The following ATP10A variants were observed in gnomAD, a reference collection of about 807,000 sequenced individuals.
ATP10A encodes phospholipid-transporting ATPase VA.
Under a neutral mutation model 147.8 loss-of-function variants are expected in ATP10A, and 111 were observed. The ratio of observed to expected loss-of-function variants is 0.75; its 90% CI spans 0.64 to 0.88. The LOEUF (loss-of-function observed/expected upper bound fraction) is 0.88. ATP10A is among the 40% of genes least tolerant of loss of function. The pLI, the probability that ATP10A is intolerant of heterozygous loss-of-function variation, is 0.00. For missense variants in ATP10A, 1,927 were observed against 1,959.0 expected (o/e 0.98, Z 0.31); for synonymous variants, 875 against 841.6 (o/e 1.04, Z -0.69).
chr15:25,842,305 C>G (rs897169705), intron 1 of ATP10A, among the ~76,000 whole-genome samples: 4 of 152,182 alleles, frequency 2.6e-5, no homozygotes, highest in African/African-American at 9.7e-5. Flanking sequence ...TGTGCCCACA[C>G]TGGAAGGATA....
intron 3 of ATP10A, among the ~76,000 whole-genome samples, chr15:25,734,901 C>T (rs1309281906): frequency 6.6e-6 from 1 of 151,852 alleles, no homozygotes; most frequent in Non-Finnish European, 1.5e-5. Context: ...GCTGGAGGTG[C>T]TGGCAAAACA....
At chr15:25,779,643 A>G (rs1889797758) in intron 2 of ATP10A, among the ~76,000 whole-genome samples, 1 of 152,172 alleles carries the variant, frequency 6.6e-6, no homozygotes, top group Admixed American at 6.5e-5. Context: ...CAAACCCTGG[A>G]GCACAGTCAT....
chr15:25,773,837 C>A (rs1214405134), intron 2 of ATP10A, among the ~76,000 whole-genome samples: 1 of 151,836 alleles, frequency 6.6e-6, no homozygotes, highest in Non-Finnish European at 1.5e-5. Context: ...CACACACACA[C>A]ACACACACAC....
intron 1 of ATP10A, among the ~76,000 whole-genome samples, chr15:25,815,737 A>G (rs1482890880): frequency 3.7e-5 from 5 of 134,918 alleles, no homozygotes; most frequent in Admixed American, 3.0e-4. Flanking sequence ...ACGAAAATAA[A>G]ATGTTGGAAA....
At chr15:25,750,030 G>A (rs980216998) in intron 2 of ATP10A, among the ~76,000 whole-genome samples, 1 of 152,086 alleles carries the variant, frequency 6.6e-6, no homozygotes, top group African/African-American at 2.4e-5. Flanking sequence ...AGATGGGGAA[G>A]GGTATGAAGA....
At chr15:25,738,890 T>C (rs911424586) in intron 2 of ATP10A, among the ~76,000 whole-genome samples, 4 of 152,192 alleles carry the variant, frequency 2.6e-5, no homozygotes, top group African/African-American at 7.2e-5. Context: ...TCTTTAAGTA[T>C]CGTGCCCAAG....
chr15:25,753,286 T>C (rs1475035412), intron 2 of ATP10A, among the ~76,000 whole-genome samples: 1 of 152,204 alleles, frequency 6.6e-6, no homozygotes, highest in East Asian at 1.9e-4. Flanking sequence ...CAGTTCACTC[T>C]CAGCTTCTGA....
intron 9 of ATP10A, among the ~76,000 whole-genome samples, chr15:25,716,301 G>T (rs1316838283): frequency 6.7e-6 from 1 of 149,096 alleles, no homozygotes; most frequent in East Asian, 2.0e-4. Context: ...TCTCCTGTGT[G>T]GATCTGGGAC....
intron 7 of ATP10A, 52 bp downstream of exon 7, chr15:25,721,605 G>A: frequency 6.4e-7 from 1 of 1,572,564 alleles, no homozygotes; most frequent in Admixed American, 1.7e-5. Flanking sequence ...ATTCTGGATA[G>A]GGCAGCTTTC....
At chr15:25,703,086 G>A (rs536375316) in intron 12 of ATP10A, among the ~76,000 whole-genome samples, 12 of 152,326 alleles carry the variant, frequency 7.9e-5, no homozygotes, top group South Asian at 4.1e-4. Context: ...GGTCGGGCGC[G>A]GTGGCTCACG....
intron 3 of ATP10A, among the ~76,000 whole-genome samples, 163 bp from the exon 4 acceptor site, chr15:25,727,429 C>T (rs1902649044): frequency 6.6e-6 from 1 of 152,078 alleles, no homozygotes. Context: ...GGGTGGCTCG[C>T]CCTGTGGGTC....
chr15:25,831,981 T>C (rs934445311), intron 1 of ATP10A, among the ~76,000 whole-genome samples: 8 of 152,052 alleles, frequency 5.3e-5, no homozygotes, highest in East Asian at 1.9e-4. Flanking sequence ...CTTGCAGATA[T>C]AGTTAGTTAA....
At chr15:25,801,482 G>A (rs1025474381) in intron 1 of ATP10A, among the ~76,000 whole-genome samples, 9 of 152,174 alleles carry the variant, frequency 5.9e-5, no homozygotes, top group Non-Finnish European at 1.0e-4. Flanking sequence ...TGCATGCAGC[G>A]CTTAGCATCC....
Position 25,713,669 on chromosome 15 carries a change from A to C in ATP10A, c.2344+5T>G, listed in dbSNP as rs746088232. 6.2e-7 allele frequency: 1 copy of C among 1,613,102 alleles called. No individual in the cohort carries two copies. Among genetic ancestry groups the C allele is most frequent in the Non-Finnish European group, 8.5e-7 (1 of 1,179,570 alleles). ...TGGGGTGCAGCTGGGCAGGGGTGGG[A>C]GTACCTGAAGAGCAGGGCTGCAGGA... On this transcript the variant is annotated splice_donor_5th_base_variant and intron_variant, in intron 10 of 20. Coordinates refer to ENST00000555815, the MANE Select transcript of ATP10A (RefSeq NM_024490.4).
chr15:25,803,898 G>C (rs1275120653), intron 1 of ATP10A, among the ~76,000 whole-genome samples: 3 of 152,248 alleles, frequency 2.0e-5, no homozygotes, highest in Non-Finnish European at 4.4e-5. Flanking sequence ...TGGTCTGCCT[G>C]TGTATTGCTT....
chr15:25,708,454 TAA>T, intron 10 of ATP10A, 154 bp from the exon 11 acceptor site: 1 of 599,166 alleles, frequency 1.7e-6, no homozygotes, highest in Non-Finnish European at 2.8e-6. Flanking sequence ...TGTTATGTTT[TAA>T]AAAAGAGTCT....
Position 25,781,186 on chromosome 15 carries a change from T to C in ATP10A, c.487A>G (p.Ile163Val). The stretch of plus-strand genomic sequence containing the variant: ...AGACGCACAAAGTCTCCCACGTGGA[T>C]TTCTTTCCAGAATCGGTTCACGTAT... Reference protein sequence around the residue: ...KKYVNRFWKEIHVGDFVRLRC... With the variant: ...KKYVNRFWKEVHVGDFVRLRC... Residue 163 changes from isoleucine to valine, a missense_variant, in exon 2 of 21, where the codon ATC (isoleucine) becomes GTC (valine). Transcript: ENST00000555815. 6.2e-7 allele frequency: 1 copy of C among 1,614,156 alleles called. No individual in the cohort carries two copies. Among genetic ancestry groups the C allele is most frequent in the Non-Finnish European group, 8.5e-7 (1 of 1,180,032 alleles).
rs75649177 is a variant in ATP10A, at chr15:25,683,481, G to A, written c.3297C>T (p.Phe1099=). The part of the protein sequence containing the change: ...VLYFFYKNTM[F]VGLLFWFQFF... ...ACTGGAACCAAAACAGGAGGCCCAC[G>A]AACATCTGAAATCAAGAAAGGAAGA... Residue 1099 remains phenylalanine (F), a synonymous_variant, in exon 17 of 21, where the codon TTC becomes TTT. Coordinates refer to ENST00000555815, the MANE Select transcript of ATP10A (RefSeq NM_024490.4). The A allele has an allele frequency of 3.3e-4, 527 of 1,611,824 alleles. 2 individuals carry two copies. In the East Asian group the frequency reaches 6.3e-3, roughly 19 times the overall value.
rs984508215 is a variant in ATP10A, at chr15:25,721,891, A to G, written c.1129T>C (p.Leu377=). The change falls in exon 7 of 21, where the codon TTA becomes CTA. Residue 377 remains leucine (L), a synonymous_variant. Coordinates refer to ENST00000555815, the MANE Select transcript of ATP10A (RefSeq NM_024490.4). ...TTAACAATTTCAATGGAAACGTATA[A>G]GGAAATTGGGATCAAAACCTGGAAG... The part of the protein sequence containing the change: ...IVLQVLIPIS[L]YVSIEIVKAC... 3.1e-6 allele frequency: 5 copies of G among 1,611,980 alleles called. No individual in the cohort carries two copies. The highest frequency in any genetic ancestry group is 2.2e-5 in the East Asian group (1 of 44,796).
Sources: gnomAD v4.1 joint callset for allele counts (sites outside exome capture counted in the v4.1 genomes callset) on GRCh38, gnomAD v4.1.1 for gene constraint, MANE v1.5 for transcripts, NCBI Gene and HGNC (gene_info 2026-07-23, HGNC 2026-07-21) for gene names.